Variants in ZNF177 observed in about 807,000 individuals in gnomAD.
The protein encoded by ZNF177 is zinc finger protein 177.
ZNF177 carries 17 observed loss-of-function variants against 19.4 expected under a neutral mutation model. The ratio of observed to expected loss-of-function variants is 0.87; its 90% CI spans 0.60 to 1.31. ZNF177 has a LOEUF of 1.31. Ranked by LOEUF, ZNF177 falls within the 40% of genes most tolerant of loss-of-function variation. The pLI is 0.00. For missense variants in ZNF177, 633 were observed against 561.8 expected (o/e 1.13, Z -1.28); for synonymous variants, 220 against 188.7 (o/e 1.17, Z -1.36).
At chr19:9,367,164 CA>C (rs2067991062) in intron 2 of ZNF177, among the ~76,000 whole-genome samples, 1 of 152,054 alleles carries the variant, frequency 6.6e-6, no homozygotes, top group African/African-American at 2.4e-5. Context: ...ACTAAAAATA[CA>C]AAAACATAGC....
At position 9,380,653 on chromosome 19, in the gene ZNF177, C is replaced by T; in HGVS notation, c.337-15C>T. On this transcript the variant is annotated splice_polypyrimidine_tract_variant and intron_variant, in intron 5 of 5. Coordinates refer to ENST00000589262, the Ensembl canonical transcript of ZNF177. ...TGAAAAAGCCTCTAGTCACCACTTA[C>T]TCCCTTTTCAACAGGCAGAAAATCA... The T allele has an allele frequency of 6.5e-7, 1 of 1,535,882 alleles. No homozygotes were observed. Among genetic ancestry groups the T allele is most frequent in the Non-Finnish European group, 8.7e-7 (1 of 1,146,812 alleles).
At chr19:9,373,974 A>G, upstream of ZNF177, among the ~76,000 whole-genome samples, 1 of 152,160 alleles carries the variant, frequency 6.6e-6, no homozygotes, top group Admixed American at 6.5e-5. Context: ...ACTCTTTAAA[A>G]AAAAAATTTG....
At chr19:9,378,529 T>C in intron 2 of ZNF177, 185 bp downstream of exon 4, 1 of 931,358 alleles carries the variant, frequency 1.1e-6, no homozygotes, top group East Asian at 2.7e-5. Context: ...TTGTTAACTT[T>C]CTCCAGATAT....
At chr19:9,379,977 A>G in intron 4 of ZNF177, 80 bp from the exon 7 acceptor site, 1 of 1,497,924 alleles carries the variant, frequency 6.7e-7, no homozygotes, top group Non-Finnish European at 9.0e-7. Flanking sequence ...TTTGAAAACA[A>G]ATCCATAGGG....
intron 2 of ZNF177, among the ~76,000 whole-genome samples, chr19:9,369,343 G>A (rs2122501159): frequency 6.6e-6 from 1 of 151,978 alleles, no homozygotes; most frequent in Admixed American, 6.6e-5. Flanking sequence ...TTCCTAATTG[G>A]TACTTTACAT....
chr19:9,381,020 A>G, exon 6 of ZNF177: 2 of 1,591,240 alleles, frequency 1.3e-6, no homozygotes, highest in African/African-American at 1.3e-5. Context: ...ACTGGAGAGA[A>G]AGGTGATGAA....
chr19:9,369,475 T>G (rs922726304), intron 2 of ZNF177, among the ~76,000 whole-genome samples: 3 of 151,932 alleles, frequency 2.0e-5, no homozygotes, highest in Non-Finnish European at 2.9e-5. Flanking sequence ...AGACTCAATT[T>G]TTATGTGTTG....
intron 2 of ZNF177, among the ~76,000 whole-genome samples, chr19:9,371,166 TCAC>T (rs1285677571): frequency 2.0e-5 from 3 of 152,198 alleles, no homozygotes; most frequent in Non-Finnish European, 4.4e-5. Context: ...AGTTGGTTCA[TCAC>T]CACTACTCCA....
intron 4 of ZNF177, among the ~76,000 whole-genome samples, chr19:9,379,843 C>T (rs370692337): frequency 1.9e-4 from 4 of 20,760 alleles, no homozygotes; most frequent in African/African-American, 6.9e-4. Flanking sequence ...ATAATACTGT[C>T]TTATTTCCCA....
chr19:9,366,500 C>T (rs1257601176), intron 2 of ZNF177, among the ~76,000 whole-genome samples: 1 of 152,072 alleles, frequency 6.6e-6, no homozygotes, highest in East Asian at 1.9e-4. Context: ...ATGTGATCCA[C>T]CCACTACAGC....
chr19:9,367,432 G>A (rs2067995235), intron 2 of ZNF177, among the ~76,000 whole-genome samples: 1 of 152,212 alleles, frequency 6.6e-6, no homozygotes, highest in South Asian at 2.1e-4. Flanking sequence ...ATCACTTTGA[G>A]TTGATCATAC....
At chr19:9,370,913 T>C (rs1017369059) in intron 2 of ZNF177, among the ~76,000 whole-genome samples, 2 of 152,178 alleles carry the variant, frequency 1.3e-5, no homozygotes, top group Admixed American at 6.5e-5. Context: ...TACCAATATT[T>C]TGCACATCTT....
At chr19:9,374,530 T>A (rs1471495152), upstream of ZNF177, among the ~76,000 whole-genome samples, 1 of 152,190 alleles carries the variant, frequency 6.6e-6, no homozygotes, top group African/African-American at 2.4e-5. Context: ...TGGCTTCCCA[T>A]TTGTTTGTGT....
chr19:9,378,289 G>A, exon 2 of ZNF177: 2 of 1,613,488 alleles, frequency 1.2e-6, no homozygotes, highest in Non-Finnish European at 1.7e-6. Context: ...GCCCAGCCAG[G>A]AAGGAAACCT....
chr19:9,368,560 G>C (rs961412789), intron 2 of ZNF177, among the ~76,000 whole-genome samples: 2 of 151,968 alleles, frequency 1.3e-5, no homozygotes, highest in Non-Finnish European at 2.9e-5. Flanking sequence ...GTTCATCATC[G>C]TATTTTCTGC....
At chr19:9,381,655 C>T (rs776870473) in exon 6 of ZNF177, 4 of 1,614,166 alleles carry the variant, frequency 2.5e-6, no homozygotes, top group Non-Finnish European at 3.4e-6. Context: ...CCTGAGGGTA[C>T]ACGTGAGAAC....
At position 9,378,349 on chromosome 19, in the gene ZNF177, A is replaced by C; in HGVS notation, c.33+5A>C. Reference sequence around the variant, plus strand: ...TGGCTGACAACCTGGTCACAGGTACACAAGAAATTTCTCTATTTCCAAAAG... The same window carrying C: ...TGGCTGACAACCTGGTCACAGGTACCCAAGAAATTTCTCTATTTCCAAAAG... On this transcript the variant is annotated splice_donor_5th_base_variant and intron_variant, in intron 2 of 5. Coordinates refer to ENST00000589262, the Ensembl canonical transcript of ZNF177. 6.2e-7 allele frequency: 1 copy of C among 1,613,644 alleles called. No homozygotes were observed. Among genetic ancestry groups the C allele is most frequent in the Non-Finnish European group, 8.5e-7 (1 of 1,179,786 alleles).
upstream of ZNF177, among the ~76,000 whole-genome samples, chr19:9,372,303 G>A (rs143830035): frequency 1.6e-4 from 24 of 152,252 alleles, no homozygotes; most frequent in East Asian, 3.7e-3. Flanking sequence ...AGATCCTCAA[G>A]AGAGATTTGC....
intron 2 of ZNF177, among the ~76,000 whole-genome samples, chr19:9,367,399 A>G (rs961351408): frequency 6.6e-6 from 1 of 152,196 alleles, no homozygotes; most frequent in African/African-American, 2.4e-5. Context: ...TATTTTTGAA[A>G]TCATTATGTG....
Sources: allele counts gnomAD v4.1 joint callset (sites outside exome capture counted in the v4.1 genomes callset), GRCh38; gene constraint gnomAD v4.1.1; transcripts MANE v1.5; gene names NCBI Gene and HGNC (gene_info 2026-07-23, HGNC 2026-07-21).